The following CROCC2 variants were observed in gnomAD, a reference collection of about 807,000 sequenced individuals.
The protein encoded by CROCC2 is ciliary rootlet coiled-coil protein 2.
CROCC2 carries 163 observed loss-of-function variants against 177.6 expected under a neutral mutation model. The observed-to-expected ratio is 0.92, with a 90% confidence interval of 0.81 to 1.05. The LOEUF is 1.05. Among genes scored for constraint, CROCC2 ranks in the 50% least tolerant of loss-of-function variants. The pLI, the probability that CROCC2 is intolerant of heterozygous loss-of-function variation, is 0.00. For synonymous variants in CROCC2, 904 were observed against 787.3 expected (o/e 1.15, Z -2.48); for missense variants, 1,929 against 1,797.8 (o/e 1.07, Z -1.32).
At position 240,932,610 on chromosome 2, in the gene CROCC2, C is replaced by T. The variant is rs77668380; in HGVS notation, c.1045-92C>T. The T allele has an allele frequency of 2.4e-3, 1,676 of 706,758 alleles. 18 individuals are homozygous for T. In the African/African-American group the frequency reaches 0.025, roughly 11 times the overall value. 43.8% of individuals were successfully genotyped at this position (706,758 alleles called of 1,614,324 possible). ...CCCAGTGGCAAAGGTGGAGGTAGCC[C>T]GCAGGGACCCTCAGGACTGTCTGCG... On this transcript the variant is annotated intron_variant, in intron 8 of 31. Transcript: ENST00000690015.
At chr2:240,957,013 T>C (rs558747182) in intron 19 of CROCC2, among the ~76,000 whole-genome samples, 196 of 152,166 alleles carry the variant, frequency 1.3e-3, no homozygotes, top group Admixed American at 3.7e-3. Context: ...GCTGTTTGTG[T>C]TGAGGTCGGG....
chr2:240,918,913 GCCAA>G lies in CROCC2; in HGVS notation c.229+38_229+41del, dbSNP rs773517083. Reference sequence around the variant, plus strand: ...GGGGACAGTCCTGGGCCCGGGGCTGGCCAAGGTGACGGCGTGGGGGACAGTCCTG... The same window carrying G: ...GGGGACAGTCCTGGGCCCGGGGCTGGGGTGACGGCGTGGGGGACAGTCCTG... On this transcript the variant is annotated intron_variant, in intron 2 of 31. Coordinates refer to ENST00000690015, the MANE Select transcript of CROCC2 (RefSeq NM_001351305.2). The surrounding 1 kb of genome is among the most constrained non-coding windows in gnomAD (Gnocchi z 6.3). The G allele has an allele frequency of 6.0e-6, 4 of 669,232 alleles. No individual in the cohort carries two copies. The highest frequency in any genetic ancestry group is 2.9e-5 in the East Asian group (1 of 34,896). The allele number at this position is 669,232 out of a possible 1,614,324, so 41.5% of individuals were successfully genotyped here. A position where few individuals can be genotyped will look rare whatever the true frequency, so the allele number is the denominator to read the frequency against.
intron 15 of CROCC2, among the ~76,000 whole-genome samples, chr2:240,947,619 C>T (rs1448745523): frequency 6.6e-6 from 1 of 152,202 alleles, no homozygotes; most frequent in Non-Finnish European, 1.5e-5. Context: ...TTGATGAGCT[C>T]GCAGGTAACA....
Position 240,993,130 on chromosome 2 carries a change from C to T in CROCC2, c.*49C>T, listed in dbSNP as rs1409567027. The stretch of plus-strand genomic sequence containing the variant: ...CCAGCGTGGCTGCAGAGGAAGGGAA[C>T]GCACCGCAGGTGGGAGGGGCCCAGC... On this transcript the variant is annotated 3_prime_UTR_variant, in exon 32 of 32. Coordinates refer to ENST00000690015, the MANE Select transcript of CROCC2 (RefSeq NM_001351305.2). The T allele has an allele frequency of 1.5e-5, 11 of 713,460 alleles. No individual in the cohort carries two copies. The highest frequency in any genetic ancestry group is 4.0e-5 in the Admixed American group (2 of 49,726). The allele number at this position is 713,460 out of a possible 1,614,324, so 44.2% of individuals were successfully genotyped here. A position where few individuals can be genotyped will look rare whatever the true frequency, so the allele number is the denominator to read the frequency against.
intron 20 of CROCC2, among the ~76,000 whole-genome samples, chr2:240,962,923 G>C (rs568297877): frequency 3.9e-5 from 6 of 152,218 alleles, no homozygotes; most frequent in Non-Finnish European, 7.4e-5. Context: ...CCTGGTGTCC[G>C]GAGCGGGAAA....
rs1399458091 is a variant in CROCC2, at chr2:240,930,287, C to A, written c.749+18C>A. The A allele has an allele frequency of 1.2e-5, 6 of 498,906 alleles. 1 individual carries two copies. The highest frequency in any genetic ancestry group is 2.0e-5 in the African/African-American group (1 of 49,724). 30.9% of individuals were successfully genotyped at this position (498,906 alleles called of 1,614,324 possible). On this transcript the variant is annotated intron_variant, in intron 6 of 31. Transcript: ENST00000690015. The stretch of plus-strand genomic sequence containing the variant: ...ACTGAGAGGTGAGTGCCAGCCGCCC[C>A]ACCTGGGGCCAGGCACCAGGCTGCA...
rs898606463 is a variant in CROCC2, at chr2:240,920,077, C to A, written c.324C>A (p.Ala108=). ...TGACCCGGCTGGGGGACCTGCTGGCCCAGGCCAGCGCCGAGCGAGATGAGC... is the reference window on the plus strand; with the variant it reads ...TGACCCGGCTGGGGGACCTGCTGGCACAGGCCAGCGCCGAGCGAGATGAGC... ...EELTRLGDLL[A]QASAERDELA... is the part of the protein sequence containing the mutation. Residue 108 remains alanine, a synonymous_variant, in exon 3 of 32, where the codon GCC becomes GCA. Coordinates refer to ENST00000690015, the MANE Select transcript of CROCC2 (RefSeq NM_001351305.2). The A allele has an allele frequency of 7.6e-5, 54 of 714,648 alleles. No individual in the cohort carries two copies. The highest frequency in any genetic ancestry group is 1.4e-4 in the Non-Finnish European group (53 of 384,450). The allele number at this position is 714,648 out of a possible 1,614,324, so 44.3% of individuals were successfully genotyped here.
chr2:240,920,477 C>T (rs150209945), intron 3 of CROCC2, among the ~76,000 whole-genome samples: 5 of 152,158 alleles, frequency 3.3e-5, no homozygotes, highest in African/African-American at 9.7e-5. Flanking sequence ...TCCTGACTCG[C>T]GGGGCCCAGT....
At chr2:240,983,435 A>C in intron 28 of CROCC2, 2 of 1,269,076 alleles carry the variant, frequency 1.6e-6, no homozygotes, top group South Asian at 1.3e-5. Context: ...GGTGCTCTGC[A>C]GGCCGCAGAG....
chr2:240,944,795 GT>G (rs1559599541), intron 14 of CROCC2, among the ~76,000 whole-genome samples: 1 of 151,910 alleles, frequency 6.6e-6, no homozygotes, highest in African/African-American at 2.4e-5. Flanking sequence ...CTTATTAGTG[GT>G]TTTTTTGTCA....
At chr2:240,959,142 A>G (rs2059613779) in intron 19 of CROCC2, 159 bp from the exon 20 acceptor site, 2 of 797,204 alleles carry the variant, frequency 2.5e-6, no homozygotes, top group Non-Finnish European at 3.8e-6. Flanking sequence ...AGTTTAGGAA[A>G]CCAAGGGCCA....
chr2:240,975,053 T>G (rs1283049545), intron 27 of CROCC2, among the ~76,000 whole-genome samples: 2 of 152,226 alleles, frequency 1.3e-5, no homozygotes, highest in African/African-American at 2.4e-5. Flanking sequence ...GTTTGCTTTT[T>G]TGGTTTGGTT....
intron 18 of CROCC2, among the ~76,000 whole-genome samples, chr2:240,951,468 A>G (rs907334858): frequency 6.6e-6 from 1 of 151,960 alleles, no homozygotes; most frequent in African/African-American, 2.4e-5. Flanking sequence ...CCCTCCACAC[A>G]CTTGTCATCA....
In CROCC2 at chr2:240,949,840, G is replaced by A; in HGVS notation, c.2652+138G>A. 2.2e-6 allele frequency: 2 copies of A among 893,506 alleles called. No homozygotes were observed. The highest frequency in any genetic ancestry group is 1.7e-6 in the Non-Finnish European group (1 of 593,346). 55.3% of individuals were successfully genotyped at this position (893,506 alleles called of 1,614,324 possible). A position where few individuals can be genotyped will look rare whatever the true frequency, so the allele number is the denominator to read the frequency against. On this transcript the variant is annotated intron_variant, in intron 17 of 31. Transcript: ENST00000690015. This position sits in a 1 kb window ranked among gnomAD's most constrained non-coding sequence, Gnocchi z 4.5. The stretch of plus-strand genomic sequence containing the variant: ...CCTGGCCAGGGCTGGGCAAGGACCA[G>A]CTCACTCTTTATAGTTCACGTGGGC...
intron 13 of CROCC2, 31 bp downstream of exon 13, chr2:240,935,093 C>G: frequency 7.5e-7 from 1 of 1,324,668 alleles, no homozygotes. Context: ...GCGGGCCTCG[C>G]TGGAACCTGT....
chr2:240,991,317 T>G (rs1213697173), intron 31 of CROCC2, 39 bp downstream of exon 31: 1 of 1,522,776 alleles, frequency 6.6e-7, no homozygotes, highest in East Asian at 2.5e-5. Context: ...CCTAGCTGCC[T>G]TCAGCCCTGA....
At chr2:240,907,510 G>A (rs1273410909) in intron 1 of CROCC2, among the ~76,000 whole-genome samples, 1 of 152,146 alleles carries the variant, frequency 6.6e-6, no homozygotes, top group East Asian at 1.9e-4. Flanking sequence ...TCAAAACTAT[G>A]CCACGGCAGG....
intron 13 of CROCC2, 122 bp downstream of exon 13, chr2:240,935,184 T>C (rs2059460165): frequency 5.6e-6 from 7 of 1,258,430 alleles, no homozygotes; most frequent in African/African-American, 1.6e-5. Flanking sequence ...TTTGAGGTTT[T>C]GGGGACAAGG....
At chr2:240,963,937 A>G (rs1325376686) in intron 21 of CROCC2, 164 bp downstream of exon 21, 2 of 714,036 alleles carry the variant, frequency 2.8e-6, no homozygotes, top group African/African-American at 3.5e-5. Flanking sequence ...GCCCAGTCCA[A>G]GAGGTCTGCA....
Sources: allele counts gnomAD v4.1 joint callset (sites outside exome capture counted in the v4.1 genomes callset), GRCh38; gene constraint gnomAD v4.1.1; non-coding constraint Gnocchi (gnomAD v3.1); transcripts MANE v1.5; gene names NCBI Gene and HGNC (gene_info 2026-07-23, HGNC 2026-07-21).